The following TSHR variants were observed in gnomAD, a reference collection of about 807,000 sequenced individuals.
The protein encoded by TSHR is thyrotropin receptor.
Under a neutral mutation model 64.1 loss-of-function variants are expected in TSHR, and 51 were observed. The observed-to-expected ratio is 0.80, with a 90% CI of 0.64 to 1.01. TSHR has a LOEUF of 1.01. Ranked by LOEUF, TSHR falls within the 50% of genes least tolerant of loss-of-function variation. The probability of loss-of-function intolerance (pLI) is 0.00; values close to 1 mark genes in which losing one functional copy is unlikely to be tolerated. For synonymous variants in TSHR, 361 were observed against 361.9 expected (o/e 1.00, Z 0.03); for missense variants, 877 against 942.8 (o/e 0.93, Z 0.91).
rs1023921126 is a variant in TSHR at position 81,116,725 on chromosome 14, T to C, written c.692+8273T>C. Among the ~76,000 whole-genome samples the C allele has an allele frequency of 8.1e-5, 12 of 147,886 alleles. 1 individual carries two copies. The highest frequency in any genetic ancestry group is 3.1e-4 in the African/African-American group (12 of 38,438). On this transcript the variant is annotated intron_variant, in intron 8 of 9. Coordinates refer to ENST00000298171, the MANE Select transcript of TSHR (RefSeq NM_000369.5). Reference sequence around the variant, plus strand: ...CTCTCCACCCCAAATCAACAGAATATACATTTTTTTTCAGCACCACACCAC... The same window carrying C: ...CTCTCCACCCCAAATCAACAGAATACACATTTTTTTTCAGCACCACACCAC...
chr14:80,968,932 A>G (rs1412292493), intron 1 of TSHR, among the ~76,000 whole-genome samples: 4 of 152,180 alleles, frequency 2.6e-5, no homozygotes, highest in Non-Finnish European at 5.9e-5. Flanking sequence ...TGGAGGAGGA[A>G]GAAGTAATCT....
intron 1 of TSHR, chr14:80,981,999 TA>T: frequency 2.9e-6 from 1 of 350,474 alleles, no homozygotes; most frequent in Middle Eastern, 9.5e-4. Flanking sequence ...TGACTGGGAC[TA>T]AGAATAAGAC....
At chr14:80,976,987 C>T (rs922506526) in intron 1 of TSHR, among the ~76,000 whole-genome samples, 1 of 152,256 alleles carries the variant, frequency 6.6e-6, no homozygotes, top group Admixed American at 6.5e-5. Flanking sequence ...TAGGCAATTG[C>T]CTACAAATTG....
intron 1 of TSHR, among the ~76,000 whole-genome samples, chr14:81,058,506 G>A (rs552663001): frequency 1.2e-4 from 19 of 152,236 alleles, no homozygotes; most frequent in Non-Finnish European, 2.2e-4. Flanking sequence ...TGCCTTAATC[G>A]TTAATAGTAA....
intron 7 of TSHR, among the ~76,000 whole-genome samples, chr14:81,101,988 G>C (rs866401490): frequency 4.6e-5 from 7 of 151,956 alleles, no homozygotes; most frequent in African/African-American, 9.7e-5. Context: ...TGGCTAACAC[G>C]GTGAAACCCC....
chr14:80,956,005 T>C (rs1886657556), intron 1 of TSHR, 155 bp downstream of exon 1: 1 of 885,086 alleles, frequency 1.1e-6, no homozygotes, highest in South Asian at 1.5e-5. Flanking sequence ...TGTGTGTGTG[T>C]GCTAAAAACT....
intron 1 of TSHR, among the ~76,000 whole-genome samples, chr14:80,999,178 T>C (rs1889178698): frequency 6.6e-6 from 1 of 152,220 alleles, no homozygotes; most frequent in Non-Finnish European, 1.5e-5. Flanking sequence ...ATTCATGATA[T>C]TCATCTTTTG....
chr14:81,042,635 A>T (rs1884977334), intron 1 of TSHR, among the ~76,000 whole-genome samples: 1 of 150,896 alleles, frequency 6.6e-6, no homozygotes, highest in African/African-American at 2.4e-5. Context: ...CAGGCAGAAG[A>T]GTGTAGGGGT....
intron 1 of TSHR, among the ~76,000 whole-genome samples, chr14:81,031,762 T>C (rs1427767698): frequency 6.6e-6 from 1 of 152,174 alleles, no homozygotes; most frequent in Non-Finnish European, 1.5e-5. Context: ...TCTAGCAGCC[T>C]AGGTCACAGA....
In TSHR at chr14:81,144,966, T is replaced by C. The variant is rs186239801; in HGVS notation, c.*613T>C. The C allele has an allele frequency of 8.5e-6, 2 of 234,222 alleles. No individual in the cohort carries two copies. The highest frequency in any genetic ancestry group is 1.1e-4 in the Admixed American group (2 of 17,900). The allele number at this position is 234,222 out of a possible 1,614,324, so 14.5% of individuals were successfully genotyped here. A position where few individuals can be genotyped will look rare whatever the true frequency, so the allele number is the denominator to read the frequency against. Reference sequence around the variant, plus strand: ...TTTTTAACTCAACCTATTAATCATCTCTTCACAAGAATCCACCTGATGTGA... The same window carrying C: ...TTTTTAACTCAACCTATTAATCATCCCTTCACAAGAATCCACCTGATGTGA... On this transcript the variant is annotated 3_prime_UTR_variant, in exon 10 of 10. Transcript: ENST00000298171.
At chr14:80,981,965 G>A in intron 1 of TSHR, 1 of 309,230 alleles carries the variant, frequency 3.2e-6, no homozygotes, top group Middle Eastern at 1.3e-3. Flanking sequence ...AGATGGACAG[G>A]GCCAAGTAAC....
At chr14:81,028,058 T>C (rs993283860) in intron 1 of TSHR, among the ~76,000 whole-genome samples, 3 of 152,024 alleles carry the variant, frequency 2.0e-5, no homozygotes, top group South Asian at 4.1e-4. Context: ...TCATTCATAG[T>C]GAGAAATTAA....
chr14:81,037,280 C>T (rs1884674862), intron 1 of TSHR, among the ~76,000 whole-genome samples: 1 of 149,734 alleles, frequency 6.7e-6, no homozygotes, highest in Non-Finnish European at 1.5e-5. Flanking sequence ...AAATGTAAGC[C>T]CCATGGTAAC....
At chr14:80,967,180 G>A (rs1599861) in intron 1 of TSHR, among the ~76,000 whole-genome samples, 1 of 49,952 alleles carries the variant, frequency 2.0e-5, no homozygotes, top group South Asian at 1.1e-3. Context: ...ATATATATAT[G>A]TATGTGTATA....
At chr14:81,027,583 A>G (rs1884134396) in intron 1 of TSHR, among the ~76,000 whole-genome samples, 1 of 152,114 alleles carries the variant, frequency 6.6e-6, no homozygotes. Flanking sequence ...ACAAAGTATG[A>G]CCCCTAAATT....
At chr14:81,105,078 T>G in intron 7 of TSHR, 1 of 985,390 alleles carries the variant, frequency 1.0e-6, no homozygotes, top group Non-Finnish European at 1.2e-6. Context: ...TTGCAAGGGA[T>G]AGTTTTTATC....
intron 1 of TSHR, among the ~76,000 whole-genome samples, chr14:81,033,636 A>AG (rs1884472340): frequency 6.6e-6 from 1 of 151,316 alleles, no homozygotes; most frequent in Non-Finnish European, 1.5e-5. Flanking sequence ...AAAAAAAAAA[A>AG]TGTACAATTC....
chr14:80,975,499 G>A (rs965964581), intron 1 of TSHR, among the ~76,000 whole-genome samples: 7 of 151,834 alleles, frequency 4.6e-5, no homozygotes, highest in Admixed American at 2.6e-4. Context: ...TCACATTTGC[G>A]TCCACCTACC....
chr14:81,010,988 T>C (rs1346560446), intron 1 of TSHR, among the ~76,000 whole-genome samples: 1 of 152,182 alleles, frequency 6.6e-6, no homozygotes, highest in Non-Finnish European at 1.5e-5. Context: ...CTCATTTTCA[T>C]AGCTACCAGA....
Sources: allele counts gnomAD v4.1 joint callset (sites outside exome capture counted in the v4.1 genomes callset), GRCh38; gene constraint gnomAD v4.1.1; transcripts MANE v1.5; gene names NCBI Gene and HGNC (gene_info 2026-07-23, HGNC 2026-07-21).